CDH4: variants seen among roughly 807,000 people sequenced by gnomAD.
The protein encoded by CDH4 is cadherin-4.
CDH4 carries 33 observed loss-of-function variants against 86.0 expected under a neutral mutation model. The ratio of observed to expected loss-of-function variants is 0.38; its 90% confidence interval spans 0.29 to 0.51. CDH4 has a LOEUF of 0.51. CDH4 is among the 20% of genes least tolerant of loss of function. The probability of loss-of-function intolerance (pLI) is 0.86; values close to 1 mark genes in which losing one functional copy is unlikely to be tolerated. For synonymous variants in CDH4, 555 were observed against 549.4 expected, an observed-to-expected ratio of 1.01 and a Z score of -0.14; for missense variants, 1,114 against 1,307.4, an observed-to-expected ratio of 0.85 and a Z score of 2.28.
chr20:61,628,350 C>T (rs909270992), intron 2 of CDH4, among the ~76,000 whole-genome samples: 10 of 152,132 alleles, frequency 6.6e-5, no homozygotes, highest in South Asian at 4.2e-4. Context: ...TGTGCTCAGC[C>T]GGTCACTGCT....
chr20:61,339,450 T>C (rs966468305), intron 2 of CDH4, among the ~76,000 whole-genome samples: 4 of 148,392 alleles, frequency 2.7e-5, no homozygotes, highest in Admixed American at 6.9e-5. Flanking sequence ...GCCTTGCACA[T>C]GTGCGTGCAT....
intron 2 of CDH4, among the ~76,000 whole-genome samples, chr20:61,695,318 T>G (rs1024908992): frequency 4.6e-5 from 7 of 152,218 alleles, no homozygotes; most frequent in Non-Finnish European, 1.0e-4. Context: ...CAGCTTCATT[T>G]CATTCTTCTT....
At chr20:61,263,228 T>C (rs2084137765) in intron 2 of CDH4, among the ~76,000 whole-genome samples, 2 of 152,152 alleles carry the variant, frequency 1.3e-5, no homozygotes, top group Admixed American at 6.5e-5. Context: ...ATCCTTGGTT[T>C]TTCGTCAAAA....
intron 2 of CDH4, among the ~76,000 whole-genome samples, chr20:61,562,135 GGTGGA>G (rs1189888736): frequency 1.5e-5 from 2 of 133,310 alleles, no homozygotes; most frequent in East Asian, 2.4e-4. Context: ...CGTGTGGAGA[GGTGGA>G]CCCCAGGGCT....
intron 2 of CDH4, among the ~76,000 whole-genome samples, chr20:61,341,830 A>T (rs6101321): frequency 0.18 from 27,816 of 152,164 alleles, 2,712 homozygotes; most frequent in African/African-American, 0.23. Flanking sequence ...GACAGGCCAG[A>T]GACCAAGTGG....
chr20:61,498,908 A>G (rs1320692855), intron 2 of CDH4, among the ~76,000 whole-genome samples: 1 of 152,166 alleles, frequency 6.6e-6, no homozygotes, highest in African/African-American at 2.4e-5. Context: ...TCTTCTGTAA[A>G]GGACGAGGGA....
rs561698404 is a variant in CDH4 at position 61,539,762 on chromosome 20, C to T, written c.170-203801C>T. ...CCCCCCAAGCCCTGCTGTCACAGGA[C>T]GAGAGGGAGCAGAGCAGGGACACGC... is the stretch of plus-strand genomic sequence containing the variant. On this transcript the variant is annotated intron_variant, in intron 2 of 15. Transcript: ENST00000614565. Among the ~76,000 whole-genome samples, 267 of 152,344 alleles carry T rather than the reference C, an allele frequency of 1.8e-3. 1 individual carries two copies. The highest frequency in any genetic ancestry group is 2.9e-3 in the Non-Finnish European group (199 of 68,032).
intron 4 of CDH4, among the ~76,000 whole-genome samples, chr20:61,836,850 T>G (rs1470278537): frequency 6.6e-6 from 1 of 152,234 alleles, no homozygotes; most frequent in Non-Finnish European, 1.5e-5. Context: ...ATAATCACTT[T>G]CCATTGAAGT....
intron 2 of CDH4, among the ~76,000 whole-genome samples, chr20:61,409,735 C>A (rs1051554431): frequency 6.6e-6 from 1 of 152,212 alleles, no homozygotes; most frequent in Non-Finnish European, 1.5e-5. Flanking sequence ...CCTGGAATGC[C>A]ATTTATTTTC....
At chr20:61,723,113 T>C (rs2088061112) in intron 2 of CDH4, among the ~76,000 whole-genome samples, 1 of 152,222 alleles carries the variant, frequency 6.6e-6, no homozygotes, top group South Asian at 2.1e-4. Context: ...CCGATCACCA[T>C]GAGTCTGGTC....
chr20:61,505,791 G>A lies in CDH4; in HGVS notation c.170-237772G>A, dbSNP rs899502724. Among the ~76,000 whole-genome samples, 49 of 151,560 alleles carry A rather than the reference G, an allele frequency of 3.2e-4. 4 individuals are homozygous for A. Among genetic ancestry groups the A allele is most frequent in the Non-Finnish European group, 8.9e-5 (6 of 67,722 alleles). The stretch of plus-strand genomic sequence containing the variant: ...ACGCTAATGTTCTCGTGTGTTTTTA[G>A]GGAAATTCAGTCCTCACGCTGCTTA... On this transcript the variant is annotated intron_variant, in intron 2 of 15. Transcript: ENST00000614565.
At chr20:61,672,779 C>T (rs2087404882) in intron 2 of CDH4, among the ~76,000 whole-genome samples, 1 of 152,034 alleles carries the variant, frequency 6.6e-6, no homozygotes, top group Admixed American at 6.5e-5. Context: ...TCCCTGGGAA[C>T]CCGACGGGGC....
chr20:61,840,868 C>T (rs925472888), intron 4 of CDH4, among the ~76,000 whole-genome samples: 2 of 152,210 alleles, frequency 1.3e-5, no homozygotes, highest in Admixed American at 1.3e-4. Context: ...ACCCGCTGCC[C>T]GCCATATTTC....
chr20:61,461,432 G>T (rs114786925), intron 2 of CDH4, among the ~76,000 whole-genome samples: 2,828 of 152,308 alleles, frequency 0.019, 89 homozygotes, highest in African/African-American at 0.063. Flanking sequence ...AGCCTCTGTA[G>T]AATACCTTTG....
intron 4 of CDH4, among the ~76,000 whole-genome samples, chr20:61,837,954 G>A (rs1053489691): frequency 6.6e-6 from 1 of 151,472 alleles, no homozygotes; most frequent in African/African-American, 2.4e-5. Context: ...ATTTTCCCTC[G>A]TGCAGAGGCT....
At chr20:61,765,132 C>G (rs2088683357) in intron 3 of CDH4, among the ~76,000 whole-genome samples, 1 of 152,158 alleles carries the variant, frequency 6.6e-6, no homozygotes, top group Non-Finnish European at 1.5e-5. Flanking sequence ...ATGGCCCTGT[C>G]CCTGCTCAGC....
At chr20:61,255,249 A>T (rs1394344765) in intron 2 of CDH4, among the ~76,000 whole-genome samples, 3 of 152,206 alleles carry the variant, frequency 2.0e-5, no homozygotes, top group African/African-American at 7.2e-5. Flanking sequence ...GAAGTTCTGG[A>T]TACTTAAATT....
chr20:61,898,091 C>T (rs1985216816), intron 8 of CDH4, among the ~76,000 whole-genome samples: 1 of 152,172 alleles, frequency 6.6e-6, no homozygotes, highest in Non-Finnish European at 1.5e-5. Context: ...TAGGATGGCC[C>T]TTGGTGTGTC....
chr20:61,590,411 T>C (rs533176278), intron 2 of CDH4, among the ~76,000 whole-genome samples: 1 of 152,204 alleles, frequency 6.6e-6, no homozygotes, highest in East Asian at 1.9e-4. Flanking sequence ...GAGGGTCAGG[T>C]TCAGGCGTCT....
Sources: gnomAD v4.1 joint callset for allele counts (sites outside exome capture counted in the v4.1 genomes callset) on GRCh38, gnomAD v4.1.1 for gene constraint, MANE v1.5 for transcripts, NCBI Gene and HGNC (gene_info 2026-07-23, HGNC 2026-07-21) for gene names.